NRG1: variants seen among roughly 807,000 people sequenced by gnomAD.
NRG1 encodes the protein pro-neuregulin-1, membrane-bound isoform.
NRG1 carries 18 observed loss-of-function variants against 63.8 expected under a neutral mutation model. The ratio of observed to expected loss-of-function variants is 0.28; its 90% CI spans 0.19 to 0.42. The LOEUF (loss-of-function observed/expected upper bound fraction) is 0.42. Ranked by LOEUF, NRG1 falls within the 10% of genes least tolerant of loss-of-function variation. The pLI, the probability that NRG1 is intolerant of heterozygous loss-of-function variation, is 1.00. For missense variants in NRG1, 762 were observed against 814.7 expected, an observed-to-expected ratio of 0.94 and a Z score of 0.79; for synonymous variants, 302 against 301.3, an observed-to-expected ratio of 1.00 and a Z score of -0.02.
At chr8:32,344,174 T>C (rs561784760) in intron 1 of NRG1, among the ~76,000 whole-genome samples, 1 of 152,362 alleles carries the variant, frequency 6.6e-6, no homozygotes, top group Admixed American at 6.5e-5. Flanking sequence ...CTTATGCAGA[T>C]AGCATTACTT....
At chr8:32,515,571 T>G (rs1218599265) in intron 1 of NRG1, among the ~76,000 whole-genome samples, 1 of 151,894 alleles carries the variant, frequency 6.6e-6, no homozygotes, top group African/African-American at 2.4e-5. Context: ...AGCCCCCAAA[T>G]AGCTGGAACT....
At chr8:32,206,775 C>T (rs1356925115) in intron 1 of NRG1, among the ~76,000 whole-genome samples, 2 of 152,198 alleles carry the variant, frequency 1.3e-5, no homozygotes, top group Non-Finnish European at 2.9e-5. Context: ...AGTAATTCCT[C>T]ATCCCTTTCC....
At chr8:31,911,991 G>A (rs962443154) in intron 1 of NRG1, among the ~76,000 whole-genome samples, 1 of 152,202 alleles carries the variant, frequency 6.6e-6, no homozygotes, top group African/African-American at 2.4e-5. Flanking sequence ...ACTTGGGCAT[G>A]TCACTTAACC....
chr8:31,891,243 A>G (rs1179498263), intron 1 of NRG1, among the ~76,000 whole-genome samples: 1 of 152,182 alleles, frequency 6.6e-6, no homozygotes, highest in Non-Finnish European at 1.5e-5. Context: ...ATGTTTACAA[A>G]CCAAATACTT....
chr8:31,726,271 G>C (rs1319182833), intron 1 of NRG1, among the ~76,000 whole-genome samples: 1 of 152,116 alleles, frequency 6.6e-6, no homozygotes. Flanking sequence ...AAAATGAGAT[G>C]AGAGATACTA....
chr8:32,598,132 A>G (rs1843683678), intron 2 of NRG1, among the ~76,000 whole-genome samples: 1 of 152,134 alleles, frequency 6.6e-6, no homozygotes, highest in African/African-American at 2.4e-5. Flanking sequence ...GGGCATTACA[A>G]TCTCTGTGCC....
chr8:32,641,755 C>G (rs985536674), intron 5 of NRG1, among the ~76,000 whole-genome samples: 3 of 152,142 alleles, frequency 2.0e-5, no homozygotes, highest in Non-Finnish European at 4.4e-5. Flanking sequence ...AAAATTAAGT[C>G]AAATTGTCTG....
At chr8:32,349,659 T>C (rs1714424) in intron 1 of NRG1, among the ~76,000 whole-genome samples, 130,971 of 152,172 alleles carry the variant, frequency 0.86, 56,670 homozygotes, top group Middle Eastern at 0.92. Flanking sequence ...CACGAGTAAA[T>C]TGCTTTTTGT....
chr8:31,825,340 A>G (rs1179933906), intron 1 of NRG1, among the ~76,000 whole-genome samples: 1 of 151,932 alleles, frequency 6.6e-6, no homozygotes, highest in Admixed American at 6.6e-5. Context: ...GTGAGCGGAG[A>G]TCGCACCACT....
At chr8:31,728,837 C>A (rs961212727) in intron 1 of NRG1, among the ~76,000 whole-genome samples, 1 of 152,088 alleles carries the variant, frequency 6.6e-6, no homozygotes, top group African/African-American at 2.4e-5. Flanking sequence ...AACTCAGGGT[C>A]ATATAATAAT....
chr8:32,489,673 A>G lies in NRG1; in HGVS notation c.38-106155A>G, dbSNP rs369028809. On this transcript the variant is annotated intron_variant, in intron 1 of 10. Transcript: ENST00000519301. ...ATTAAATTATGGAAGCTAAATATTT[A>G]AAATAATAACTCATAATGGCTCTCC... Among the ~76,000 whole-genome samples, 4 of 152,238 alleles carry G rather than the reference A, an allele frequency of 2.6e-5. 1 individual carries two copies. Among genetic ancestry groups the G allele is most frequent in the Admixed American group, 2.6e-4 (4 of 15,274 alleles).
intron 1 of NRG1, among the ~76,000 whole-genome samples, chr8:32,252,409 A>G (rs137892287): frequency 0.021 from 3,171 of 152,248 alleles, 123 homozygotes; most frequent in African/African-American, 0.073. Flanking sequence ...AGTTTTTTGC[A>G]TATGGCTAGC....
chr8:32,740,703 G>A (rs10089599), intron 6 of NRG1, among the ~76,000 whole-genome samples: 19,416 of 152,094 alleles, frequency 0.13, 1,581 homozygotes, highest in East Asian at 0.37. Flanking sequence ...GTATTTTATC[G>A]CGCAGGCTAT....
chr8:32,156,524 G>A (rs939428122), intron 1 of NRG1, among the ~76,000 whole-genome samples: 2 of 152,164 alleles, frequency 1.3e-5, no homozygotes, highest in African/African-American at 4.8e-5. Flanking sequence ...CTAATGCATA[G>A]AAGGTGCAGG....
intron 1 of NRG1, among the ~76,000 whole-genome samples, chr8:32,485,126 T>TC (rs1442903346): frequency 1.4e-5 from 2 of 147,676 alleles, no homozygotes; most frequent in Non-Finnish European, 3.0e-5. Context: ...CTTTTTCTTT[T>TC]TTTTTGAGAC....
chr8:32,458,650 G>T (rs1821917362), intron 1 of NRG1, among the ~76,000 whole-genome samples: 1 of 151,996 alleles, frequency 6.6e-6, no homozygotes, highest in Non-Finnish European at 1.5e-5. Context: ...TTTATTGCAG[G>T]TGAAGTCATT....
intron 1 of NRG1, among the ~76,000 whole-genome samples, chr8:31,677,022 C>A (rs1807776018): frequency 6.6e-6 from 1 of 152,144 alleles, no homozygotes; most frequent in Non-Finnish European, 1.5e-5. Flanking sequence ...TTGTCTCTAG[C>A]AGCTTGGCAT....
chr8:32,000,880 A>G (rs185374287), intron 1 of NRG1, among the ~76,000 whole-genome samples: 1 of 152,128 alleles, frequency 6.6e-6, no homozygotes, highest in Admixed American at 6.5e-5. Context: ...ATGAACCATC[A>G]TTTGTTTATT....
chr8:32,072,193 CT>C (rs1318913447), intron 1 of NRG1, among the ~76,000 whole-genome samples: 1 of 149,396 alleles, frequency 6.7e-6, no homozygotes, highest in Non-Finnish European at 1.5e-5. Flanking sequence ...TGAGTAAGCA[CT>C]TTTCAGTATA....
Sources: allele counts gnomAD v4.1 joint callset (sites outside exome capture counted in the v4.1 genomes callset), GRCh38; gene constraint gnomAD v4.1.1; transcripts MANE v1.5; gene names NCBI Gene and HGNC (gene_info 2026-07-23, HGNC 2026-07-21).